The following SLC4A4 variants were observed in gnomAD, a reference collection of about 807,000 sequenced individuals.
The protein encoded by SLC4A4 is electrogenic sodium bicarbonate cotransporter 1.
SLC4A4 carries 27 observed loss-of-function variants against 111.5 expected under a neutral mutation model. The observed-to-expected ratio is 0.24, with a 90% CI of 0.18 to 0.33. SLC4A4 has a LOEUF of 0.33. Ranked by LOEUF, SLC4A4 falls within the 10% of genes least tolerant of loss-of-function variation. The pLI, the probability that SLC4A4 is intolerant of heterozygous loss-of-function variation, is 1.00. For synonymous variants in SLC4A4, 443 were observed against 463.4 expected, an observed-to-expected ratio of 0.96 and a Z score of 0.57; for missense variants, 909 against 1,315.5, an observed-to-expected ratio of 0.69 and a Z score of 4.78.
chr4:71,084,026 C>G (rs75943342), intron 1 of SLC4A4, among the ~76,000 whole-genome samples: 1,811 of 151,708 alleles, frequency 0.012, 42 homozygotes, highest in African/African-American at 0.042. Context: ...CTCTCTGTCT[C>G]TGTGTGTGTG....
intron 13 of SLC4A4, among the ~76,000 whole-genome samples, chr4:71,470,898 T>C (rs1727809882): frequency 6.6e-6 from 1 of 151,964 alleles, no homozygotes; most frequent in African/African-American, 2.4e-5. Flanking sequence ...TTGCAACTGA[T>C]TGGATGAGTT....
intron 8 of SLC4A4, among the ~76,000 whole-genome samples, chr4:71,441,759 T>C (rs1724737293): frequency 6.6e-6 from 1 of 152,218 alleles, no homozygotes; most frequent in Admixed American, 6.5e-5. Flanking sequence ...GATTGCAGGC[T>C]ATTCTTCCTC....
chr4:71,283,525 TGTGCCA>T (rs1222054042), intron 3 of SLC4A4, among the ~76,000 whole-genome samples: 3 of 152,128 alleles, frequency 2.0e-5, no homozygotes, highest in African/African-American at 7.2e-5. Flanking sequence ...TTCTCTAATA[TGTGCCA>T]GGTCCATAGC....
intron 12 of SLC4A4, among the ~76,000 whole-genome samples, chr4:71,456,170 TAATTTCACTGAAACTGTGGATGGA>T (rs1356466282): frequency 6.6e-6 from 1 of 152,216 alleles, no homozygotes; most frequent in Non-Finnish European, 1.5e-5. Context: ...CCTCCATTGA[TAATTTCACTGAAACTGTGGATGGA>T]TTGTTTGAAA....
At chr4:71,376,122 T>A (rs1732339459) in intron 6 of SLC4A4, among the ~76,000 whole-genome samples, 1 of 147,312 alleles carries the variant, frequency 6.8e-6, no homozygotes, top group Non-Finnish European at 1.5e-5. Context: ...CGTTTGTGTA[T>A]ATATATATAC....
At chr4:71,529,885 C>T (rs1472217283) in intron 16 of SLC4A4, among the ~76,000 whole-genome samples, 1 of 152,088 alleles carries the variant, frequency 6.6e-6, no homozygotes, top group African/African-American at 2.4e-5. Context: ...TTGCAATGAC[C>T]TCTGGTCCTC....
At chr4:71,099,266 T>A (rs922085730) in intron 2 of SLC4A4, among the ~76,000 whole-genome samples, 4 of 152,114 alleles carry the variant, frequency 2.6e-5, no homozygotes, top group African/African-American at 7.2e-5. Flanking sequence ...TGGACCATAG[T>A]GTGATAAAAA....
At chr4:71,437,064 A>T in intron 7 of SLC4A4, 1 of 408,826 alleles carries the variant, frequency 2.4e-6, no homozygotes, top group Non-Finnish European at 4.8e-6. Flanking sequence ...TAACTATCTC[A>T]TAGCCACAGG....
At chr4:71,493,524 C>CT (rs908520478) in intron 15 of SLC4A4, among the ~76,000 whole-genome samples, 2 of 151,228 alleles carry the variant, frequency 1.3e-5, no homozygotes, top group Admixed American at 6.6e-5. Flanking sequence ...CTGCTCTTTT[C>CT]TTTTTTTTTC....
Position 71,150,881 on chromosome 4 carries a change from G to A in SLC4A4, c.-2+58089G>A, listed in dbSNP as rs548027450. Among the ~76,000 whole-genome samples, 9 of 152,224 alleles carry A rather than the reference G, an allele frequency of 5.9e-5. No individual in the cohort carries two copies. In the South Asian group the frequency reaches 1.9e-3, roughly 32 times the overall value. On this transcript the variant is annotated intron_variant, in intron 2 of 26. Transcript: ENST00000649996. The stretch of plus-strand genomic sequence containing the variant: ...GCTCAAAGGTCTGGAATCTGGGGAT[G>A]TTTGTAGAAGAGTTATGGTTCAATC...
At chr4:71,544,056 C>G (rs571079734) in intron 18 of SLC4A4, among the ~76,000 whole-genome samples, 2 of 151,936 alleles carry the variant, frequency 1.3e-5, no homozygotes, top group African/African-American at 4.8e-5. Context: ...AGATACAGTC[C>G]GGTCCTCATA....
At chr4:71,121,062 T>C (rs916597216) in intron 2 of SLC4A4, among the ~76,000 whole-genome samples, 1 of 152,152 alleles carries the variant, frequency 6.6e-6, no homozygotes. Flanking sequence ...GTAAGGGGCT[T>C]AGCACCCAGG....
At chr4:71,270,118 G>A (rs918504808) in intron 3 of SLC4A4, among the ~76,000 whole-genome samples, 5 of 152,148 alleles carry the variant, frequency 3.3e-5, no homozygotes, top group African/African-American at 4.8e-5. Flanking sequence ...ATGAAGTCTC[G>A]CTCTTGTCCC....
At chr4:71,293,120 C>T (rs1389718453) in intron 3 of SLC4A4, among the ~76,000 whole-genome samples, 2 of 150,654 alleles carry the variant, frequency 1.3e-5, no homozygotes, top group Non-Finnish European at 3.0e-5. Context: ...GGATTACAGG[C>T]GTGAGCCACC....
At chr4:71,431,080 C>G (rs1054841598) in intron 7 of SLC4A4, among the ~76,000 whole-genome samples, 1 of 152,054 alleles carries the variant, frequency 6.6e-6, no homozygotes, top group Non-Finnish European at 1.5e-5. Flanking sequence ...TTTTCCTCAG[C>G]CCCTCAGGCA....
chr4:71,556,694 T>A (rs140098731), intron 21 of SLC4A4, among the ~76,000 whole-genome samples: 1 of 151,912 alleles, frequency 6.6e-6, no homozygotes, highest in East Asian at 1.9e-4. Flanking sequence ...AATTTTGTAA[T>A]TTGTAAAGAA....
rs566095588 is a variant in SLC4A4, at chr4:71,371,031, A to G, written c.730+13844A>G. 4.6e-5 allele frequency among the ~76,000 whole-genome samples: 7 copies of G among 152,256 alleles called. No individual in the cohort carries two copies. The South Asian group carries it at 1.5e-3, about 32-fold the overall frequency. On this transcript the variant is annotated intron_variant, in intron 6 of 25. Transcript: ENST00000264485. ...ACCTTCCCTAGGGCTTCTAATACTT[A>G]CTGTATCCATTCAGTAAATGAAATA...
intron 7 of SLC4A4, among the ~76,000 whole-genome samples, chr4:71,408,068 A>G (rs1456352004): frequency 6.6e-6 from 1 of 152,208 alleles, no homozygotes; most frequent in African/African-American, 2.4e-5. Flanking sequence ...GAACTTTTTT[A>G]TTAATAAGCT....
chr4:71,336,240 T>C (rs2148885446), intron 3 of SLC4A4, among the ~76,000 whole-genome samples: 1 of 152,332 alleles, frequency 6.6e-6, no homozygotes, highest in Admixed American at 6.5e-5. Flanking sequence ...TATTTAAATA[T>C]GCCTGTATAT....
Sources: allele counts gnomAD v4.1 joint callset (sites outside exome capture counted in the v4.1 genomes callset), GRCh38; gene constraint gnomAD v4.1.1; transcripts MANE v1.5; gene names NCBI Gene and HGNC (gene_info 2026-07-23, HGNC 2026-07-21).